Variants in SLC12A5 observed in about 807,000 individuals in gnomAD.
SLC12A5 encodes K-Cl cotransporter 2.
In SLC12A5, 18 loss-of-function variants were observed where a neutral mutation model predicts 124.0. That is an observed-to-expected ratio of 0.15 (90% confidence interval 0.10 to 0.22). SLC12A5 has a LOEUF of 0.22. SLC12A5 is among the 10% of genes least tolerant of loss of function. SLC12A5 has a pLI of 1.00. For synonymous variants in SLC12A5, 589 were observed against 568.0 expected (o/e 1.04, Z -0.53); for missense variants, 867 against 1,478.7 (o/e 0.59, Z 6.78).
intron 20 of SLC12A5, among the ~76,000 whole-genome samples, chr20:46,054,218 A>C (rs2084671004): frequency 6.6e-6 from 1 of 152,182 alleles, no homozygotes; most frequent in African/African-American, 2.4e-5. Context: ...CAATGGCAAC[A>C]CAGTGGGAAG....
chr20:46,046,308 T>C (rs1455790340), intron 13 of SLC12A5, 30 bp from the exon 14 acceptor site: 1 of 1,595,086 alleles, frequency 6.3e-7, no homozygotes, highest in Non-Finnish European at 8.6e-7. Flanking sequence ...TTTGCATCTC[T>C]GTCTCCCCTG....
chr20:46,034,998 G>A lies in SLC12A5; in HGVS notation c.103G>A (p.Glu35Lys). Reference protein sequence around the residue: ...SSPFINSTDTEKGKEYDGKNM... With the variant: ...SSPFINSTDTKKGKEYDGKNM... ...TCCCTTCATCAACAGCACCGACACAGAGAAGGGAAAGGAGTATGATGGCAA... is the reference window on the plus strand; with the variant it reads ...TCCCTTCATCAACAGCACCGACACAAAGAAGGGAAAGGAGTATGATGGCAA... Residue 35 changes from glutamate to lysine, a missense_variant, in exon 2 of 26, where the codon GAG becomes AAG. Physicochemically the swap from Glu to Lys is moderately conservative, Grantham distance 56. This residue lies in a region of SLC12A5 where 58 missense variants were observed against 52.2 expected (regional missense o/e 1.11). Transcript: ENST00000243964. 6.2e-7 allele frequency: 1 copy of A among 1,614,046 alleles called. No individual in the cohort carries two copies. The highest frequency in any genetic ancestry group is 1.1e-5 in the South Asian group (1 of 91,076).
chr20:46,031,649 G>A (rs572892140), intron 1 of SLC12A5, among the ~76,000 whole-genome samples: 1 of 152,290 alleles, frequency 6.6e-6, no homozygotes, highest in Admixed American at 6.5e-5. Context: ...TCTCGGACCT[G>A]GCCTAGGGAT....
chr20:46,026,611 G>A (rs773064773), upstream of SLC12A5, among the ~76,000 whole-genome samples: 3 of 152,252 alleles, frequency 2.0e-5, no homozygotes, highest in Non-Finnish European at 2.9e-5. Context: ...GAAGGGATAT[G>A]TGGCTTTGGT....
upstream of SLC12A5, among the ~76,000 whole-genome samples, chr20:46,024,276 G>A (rs1390507578): frequency 6.6e-6 from 1 of 152,088 alleles, no homozygotes; most frequent in African/African-American, 2.4e-5. Flanking sequence ...TGAAGGGTGT[G>A]CTGATGTGTA....
intron 11 of SLC12A5, 35 bp from the exon 12 acceptor site, chr20:46,044,931 T>C: frequency 1.2e-6 from 2 of 1,613,626 alleles, no homozygotes; most frequent in Middle Eastern, 1.7e-4. Context: ...CAGGCAGCAC[T>C]GCTCACCTGG....
At chr20:46,037,129 G>A in intron 5 of SLC12A5, 126 bp from the exon 6 acceptor site, 1 of 1,380,652 alleles carries the variant, frequency 7.2e-7, no homozygotes, top group Non-Finnish European at 9.8e-7. Context: ...CCCTTTCTAG[G>A]GCTGCAGCCC....
chr20:46,021,854 A>G, exon 1 of SLC12A5: 1 of 1,527,508 alleles, frequency 6.5e-7, no homozygotes, highest in Non-Finnish European at 8.7e-7. Flanking sequence ...TCGGTCGCAG[A>G]CCCCCGCCAC....
chr20:46,058,254 T>A lies in SLC12A5; in HGVS notation c.*649T>A. The A allele has an allele frequency of 2.6e-6, 1 of 390,252 alleles. No individual in the cohort carries two copies. The highest frequency in any genetic ancestry group is 4.5e-6 in the Non-Finnish European group (1 of 221,058). 24.2% of individuals were successfully genotyped at this position (390,252 alleles called of 1,614,324 possible). A position where few individuals can be genotyped will look rare whatever the true frequency, so the allele number is the denominator to read the frequency against. ...GGAGGCGAGGCCTCGGGAAGCTGAA[T>A]TTTCCTTGACGTCCAAGAGTTTGAG... On this transcript the variant is annotated 3_prime_UTR_variant, in exon 26 of 26. Transcript: ENST00000243964. This position sits in a 1 kb window ranked among gnomAD's most constrained non-coding sequence, Gnocchi z 5.8.
rs533415684 is a variant in SLC12A5, at chr20:46,040,435, C to T, written c.675C>T (p.Ala225=). Residue 225 remains alanine (A), a synonymous_variant, in exon 7 of 26, where the codon GCC becomes GCT. Transcript: ENST00000243964. Reference sequence around the variant, plus strand: ...AAGATGCCAGTGGGGAGGCAGCAGCCATGCTGAACAACATGCGTGTTTACG... The same window carrying T: ...AAGATGCCAGTGGGGAGGCAGCAGCTATGCTGAACAACATGCGTGTTTACG... The part of the protein sequence containing the change: ...KAEDASGEAA[A]MLNNMRVYGT... 1 of 1,614,242 alleles carries T rather than the reference C, an allele frequency of 6.2e-7. No homozygotes were observed. Among genetic ancestry groups the T allele is most frequent in the Non-Finnish European group, 8.5e-7 (1 of 1,180,048 alleles).
chr20:46,036,913 G>A (rs1308271787), intron 5 of SLC12A5, 118 bp downstream of exon 5: 73 of 1,344,150 alleles, frequency 5.4e-5, no homozygotes, highest in Non-Finnish European at 7.6e-5. Context: ...AGGGGGCTGG[G>A]CTGTATCTGT....
chr20:46,025,879 G>C (rs978620480), upstream of SLC12A5, among the ~76,000 whole-genome samples: 10 of 152,168 alleles, frequency 6.6e-5, no homozygotes, highest in Admixed American at 6.5e-4. Context: ...CGGTGGGTGG[G>C]TTAGGTTGTG....
In SLC12A5 at chr20:46,057,585, G is replaced by T; in HGVS notation, c.3331G>T (p.Val1111Phe). ...VMLVRGGGRE[V>F]ITIYS ...GCTGGTCCGCGGCGGCGGCCGCGAGGTCATCACCATCTACTCCTGAGAACC... is the reference window on the plus strand; with the variant it reads ...GCTGGTCCGCGGCGGCGGCCGCGAGTTCATCACCATCTACTCCTGAGAACC... The change falls in exon 26 of 26, where the codon GTC (valine) becomes TTC (phenylalanine). Residue 1111 changes from valine (V) to phenylalanine (F), a missense_variant. Transcript: ENST00000243964. This position sits in a 1 kb window ranked among gnomAD's most constrained non-coding sequence, Gnocchi z 7.1. 6.2e-7 allele frequency: 1 copy of T among 1,613,858 alleles called. No homozygotes were observed. The highest frequency in any genetic ancestry group is 1.1e-5 in the South Asian group (1 of 91,086).
rs1243967726 is a variant in SLC12A5, at chr20:46,056,462, A to T, written c.3008A>T (p.Lys1003Met). ...PEGEGETDPE[K>M]VHLTWTKDKS... is the part of the protein sequence containing the mutation. ...GGGGAAGGGGAGACAGATCCGGAGAAGGTGCATCTCACCTGGACCAAGGAC... is the reference window on the plus strand; with the variant it reads ...GGGGAAGGGGAGACAGATCCGGAGATGGTGCATCTCACCTGGACCAAGGAC... The change falls in exon 23 of 26, where the codon AAG (lysine) becomes ATG (methionine). Residue 1003 changes from lysine (K) to methionine (M), a missense_variant. Transcript: ENST00000243964. The surrounding 1 kb of genome is among the most constrained non-coding windows in gnomAD (Gnocchi z 4.3). 6.2e-7 allele frequency: 1 copy of T among 1,614,054 alleles called. No homozygotes were observed. Among genetic ancestry groups the T allele is most frequent in the Non-Finnish European group, 8.5e-7 (1 of 1,180,008 alleles).
At chr20:46,047,605 G>A (rs1265231336) in intron 15 of SLC12A5, 32 bp downstream of exon 15, 8 of 1,605,416 alleles carry the variant, frequency 5.0e-6, no homozygotes, top group Non-Finnish European at 6.8e-6. Context: ...TGGGGTGGCT[G>A]GGGAAGGCTG....
chr20:46,049,973 A>G (rs2084633880), intron 17 of SLC12A5, among the ~76,000 whole-genome samples, 183 bp downstream of exon 17: 1 of 152,246 alleles, frequency 6.6e-6, no homozygotes, highest in Non-Finnish European at 1.5e-5. Context: ...TTCAACTCAC[A>G]GCATGAAAGA....
rs149300952 is a variant in SLC12A5 at position 46,041,413 on chromosome 20, G to C, written c.939G>C (p.Val313=). The part of the protein sequence containing the change: ...AKLAWEGNET[V]TTRLWGLFCS... ...TGGCTTGGGAAGGAAATGAGACGGT[G>C]ACCACACGGCTATGGGGCCTTTTCT... The change falls in exon 8 of 26, where the codon GTG becomes GTC. Residue 313 remains valine, a synonymous_variant. Coordinates refer to ENST00000243964, the MANE Select transcript of SLC12A5 (RefSeq NM_020708.5). The C allele has an allele frequency of 7.4e-5, 120 of 1,614,020 alleles. No homozygotes were observed. Among genetic ancestry groups the C allele is most frequent in the Non-Finnish European group, 8.3e-5 (98 of 1,180,030 alleles).
Position 46,053,529 on chromosome 20 carries a change from C to A in SLC12A5, c.2548-49C>A. On this transcript the variant is annotated intron_variant, in intron 19 of 25. Transcript: ENST00000243964. The surrounding 1 kb of genome is among the most constrained non-coding windows in gnomAD (Gnocchi z 4.7). Reference sequence around the variant, plus strand: ...CGGACAGGGCCTGGCCCTGGATCTCCTCATCACATCTGGGCTGGACCTTTC... The same window carrying A: ...CGGACAGGGCCTGGCCCTGGATCTCATCATCACATCTGGGCTGGACCTTTC... 6.2e-7 allele frequency: 1 copy of A among 1,608,542 alleles called. No homozygotes were observed.
intron 11 of SLC12A5, 29 bp downstream of exon 11, chr20:46,043,962 G>A (rs777658264): frequency 2.6e-6 from 4 of 1,567,356 alleles, no homozygotes; most frequent in South Asian, 1.2e-5. Context: ...ATCCTATTCT[G>A]GGGGAGGGGT....
Sources: allele counts gnomAD v4.1 joint callset (sites outside exome capture counted in the v4.1 genomes callset), GRCh38; gene constraint gnomAD v4.1.1; regional missense constraint gnomAD v4.1.1; non-coding constraint Gnocchi (gnomAD v3.1); transcripts MANE v1.5; gene names NCBI Gene and HGNC (gene_info 2026-07-23, HGNC 2026-07-21).